The following ZNF146 variants were observed in gnomAD, a reference collection of about 807,000 sequenced individuals.
ZNF146 encodes the protein zinc finger protein 146.
Under a neutral mutation model 22.2 loss-of-function variants are expected in ZNF146, and 9 were observed. That is an observed-to-expected ratio of 0.41 (90% CI 0.24 to 0.71). The LOEUF is 0.71. Among genes scored for constraint, ZNF146 ranks in the 30% least tolerant of loss-of-function variants. The pLI, the probability that ZNF146 is intolerant of heterozygous loss-of-function variation, is 0.34. For missense variants in ZNF146, 194 were observed against 344.8 expected (o/e 0.56, Z 3.46); for synonymous variants, 108 against 119.2 (o/e 0.91, Z 0.61).
intron 2 of ZNF146, among the ~76,000 whole-genome samples, chr19:36,219,911 A>G (rs1216397996): frequency 6.6e-6 from 1 of 152,162 alleles, no homozygotes; most frequent in Non-Finnish European, 1.5e-5. Flanking sequence ...TTTCATTGTT[A>G]CATCAAATTG....
chr19:36,220,908 G>A (rs1012124289), intron 2 of ZNF146, among the ~76,000 whole-genome samples: 1 of 150,066 alleles, frequency 6.7e-6, no homozygotes. Flanking sequence ...GCAGAGTGCA[G>A]TGGTGTGATC....
intron 2 of ZNF146, among the ~76,000 whole-genome samples, chr19:36,227,079 A>G (rs4293497): frequency 0.64 from 95,533 of 149,268 alleles, 30,457 homozygotes; most frequent in Middle Eastern, 0.73. Flanking sequence ...GTAAAACTCC[A>G]TCTCAAAAAA....
In ZNF146 at chr19:36,229,719, T is replaced by C. The variant is rs1480944540; in HGVS notation, c.-783+900T>C. 2.0e-5 allele frequency among the ~76,000 whole-genome samples: 3 copies of C among 152,208 alleles called. No individual in the cohort carries two copies. In the East Asian group the frequency reaches 5.8e-4, roughly 29 times the overall value. On this transcript the variant is annotated intron_variant, in intron 3 of 3. Coordinates refer to ENST00000443387, the MANE Select transcript of ZNF146 (RefSeq NM_007145.3). ...AATTCTCTGTCAACACATAATTTGT[T>C]ATTTATTTTCATTTTTTTGAGACAG...
chr19:36,218,468 A>C (rs1332572493), intron 2 of ZNF146, among the ~76,000 whole-genome samples: 1 of 151,814 alleles, frequency 6.6e-6, no homozygotes, highest in Non-Finnish European at 1.5e-5. Flanking sequence ...TTTTGTTATT[A>C]ATATTTCTTT....
rs773496838 is a variant in ZNF146 at position 36,237,409 on chromosome 19, A to C, written c.*90A>C. ...AGAAATAATCCTTCTGAAGCAAAGC[A>C]CCACGAATGAGGTTAACTTTAACAA... On this transcript the variant is annotated 3_prime_UTR_variant, in exon 4 of 4. Transcript: ENST00000443387. The C allele has an allele frequency of 6.9e-6, 10 of 1,455,070 alleles. No homozygotes were observed. Among genetic ancestry groups the C allele is most frequent in the Non-Finnish European group, 9.2e-6 (10 of 1,091,470 alleles). 90.1% of individuals were successfully genotyped at this position (1,455,070 alleles called of 1,614,324 possible). A position where few individuals can be genotyped will look rare whatever the true frequency, so the allele number is the denominator to read the frequency against.
At chr19:36,231,371 G>A (rs1163817475) in intron 3 of ZNF146, among the ~76,000 whole-genome samples, 7 of 151,948 alleles carry the variant, frequency 4.6e-5, no homozygotes, top group East Asian at 1.9e-4. Flanking sequence ...CACCACACCC[G>A]GCTAATTTTT....
chr19:36,229,773 G>A (rs1977243569), intron 3 of ZNF146, among the ~76,000 whole-genome samples: 1 of 152,186 alleles, frequency 6.6e-6, no homozygotes, highest in African/African-American at 2.4e-5. Context: ...AGGTGGCAGT[G>A]CAGTGGCACA....
intron 3 of ZNF146, among the ~76,000 whole-genome samples, chr19:36,230,023 G>C (rs952847385): frequency 6.6e-6 from 1 of 152,140 alleles, no homozygotes; most frequent in Admixed American, 6.6e-5. Context: ...CCTGGCTAAC[G>C]CATAATTTAA....
intron 2 of ZNF146, among the ~76,000 whole-genome samples, chr19:36,225,241 A>G (rs1230097944): frequency 6.6e-6 from 1 of 152,224 alleles, no homozygotes; most frequent in East Asian, 1.9e-4. Flanking sequence ...TGCAACAACC[A>G]GGGAAAATCT....
At chr19:36,235,207 CA>C (rs112972407) in intron 3 of ZNF146, among the ~76,000 whole-genome samples, 135 of 121,444 alleles carry the variant, frequency 1.1e-3, no homozygotes, top group Admixed American at 1.3e-3. Context: ...AATTCCGTCT[CA>C]AAAAAAAAAA....
At chr19:36,231,479 G>A (rs1320342308) in intron 3 of ZNF146, among the ~76,000 whole-genome samples, 2 of 152,138 alleles carry the variant, frequency 1.3e-5, no homozygotes, top group African/African-American at 4.8e-5. Flanking sequence ...AAAGTGCTAG[G>A]ATTACAGGCG....
Position 36,236,378 on chromosome 19 carries a change from C to T in ZNF146, c.-63C>T. 6.5e-7 allele frequency: 1 copy of T among 1,527,944 alleles called. No homozygotes were observed. Among genetic ancestry groups the T allele is most frequent in the Non-Finnish European group, 8.8e-7 (1 of 1,141,032 alleles). 94.6% of individuals were successfully genotyped at this position (1,527,944 alleles called of 1,614,324 possible). A position where few individuals can be genotyped will look rare whatever the true frequency, so the allele number is the denominator to read the frequency against. ...AAATATCTTCAGCCAAAAGTAAATC[C>T]TCACTCATCAAGAAATTTTTACTGG... On this transcript the variant is annotated 5_prime_UTR_variant, in exon 4 of 4. Transcript: ENST00000443387.
intron 2 of ZNF146, among the ~76,000 whole-genome samples, chr19:36,224,722 A>G (rs932556769): frequency 6.6e-6 from 1 of 152,112 alleles, no homozygotes; most frequent in Admixed American, 6.5e-5. Flanking sequence ...TTTTATTGGG[A>G]TTGCATTAAA....
chr19:36,229,061 C>T (rs549341382), intron 3 of ZNF146, among the ~76,000 whole-genome samples: 57 of 152,338 alleles, frequency 3.7e-4, no homozygotes, highest in African/African-American at 1.3e-3. Flanking sequence ...CTTCCTGCTT[C>T]GTCTGTGCCG....
At chr19:36,230,609 A>G (rs1386595820) in intron 3 of ZNF146, among the ~76,000 whole-genome samples, 1 of 152,184 alleles carries the variant, frequency 6.6e-6, no homozygotes, top group African/African-American at 2.4e-5. Context: ...CAGAAGGAAC[A>G]AAAGTGTTAA....
chr19:36,237,370 C>A lies in ZNF146; in HGVS notation c.*51C>A. 1 of 1,534,012 alleles carries A rather than the reference C, an allele frequency of 6.5e-7. No homozygotes were observed. Among genetic ancestry groups the A allele is most frequent in the African/African-American group, 1.4e-5 (1 of 72,084 alleles). ...GGAAAGCTTTCATTAGAAATTTGCACCTCATCATGCCCCAGAAATAATCCT... is the reference window on the plus strand; with the variant it reads ...GGAAAGCTTTCATTAGAAATTTGCAACTCATCATGCCCCAGAAATAATCCT... On this transcript the variant is annotated 3_prime_UTR_variant, in exon 4 of 4. Transcript: ENST00000443387.
In ZNF146 at chr19:36,237,042, TACATGTGAGGA is replaced by T. The variant is rs1977668800; in HGVS notation, c.603_613del (p.His202SerfsTer4). The stretch of plus-strand genomic sequence containing the variant: ...TTCTCTCAGCGAACATCACTTATTG[TACATGTGAGGA>T]TTCATTCAGGTGATAAACCTTACGA... On this transcript the variant is annotated frameshift_variant, in exon 4 of 4. Coordinates refer to ENST00000443387, the MANE Select transcript of ZNF146 (RefSeq NM_007145.3). LOFTEE classifies it high-confidence loss of function. 6.2e-7 allele frequency: 1 copy of T among 1,614,060 alleles called. No homozygotes were observed. The highest frequency in any genetic ancestry group is 8.5e-7 in the Non-Finnish European group (1 of 1,180,022).
chr19:36,217,351 C>T (rs940472512), intron 1 of ZNF146, among the ~76,000 whole-genome samples: 8 of 151,656 alleles, frequency 5.3e-5, no homozygotes, highest in African/African-American at 1.7e-4. Flanking sequence ...GCATGAACCA[C>T]GGTGCCTGGC....
At chr19:36,223,734 A>C (rs986029850) in intron 2 of ZNF146, among the ~76,000 whole-genome samples, 4 of 151,812 alleles carry the variant, frequency 2.6e-5, no homozygotes, top group Non-Finnish European at 5.9e-5. Flanking sequence ...AATTCTTATA[A>C]AGTTACAGTT....
Sources: allele counts gnomAD v4.1 joint callset (sites outside exome capture counted in the v4.1 genomes callset), GRCh38; gene constraint gnomAD v4.1.1; transcripts MANE v1.5; gene names NCBI Gene and HGNC (gene_info 2026-07-23, HGNC 2026-07-21).